Variants in LRP12 observed in about 807,000 individuals in gnomAD.
LRP12 encodes the protein low-density lipoprotein receptor-related protein 12.
LRP12 carries 14 observed loss-of-function variants against 66.0 expected under a neutral mutation model. The ratio of observed to expected loss-of-function variants is 0.21; its 90% CI spans 0.14 to 0.33. The LOEUF is 0.33. Ranked by LOEUF, LRP12 falls within the 10% of genes least tolerant of loss-of-function variation. The pLI, the probability that LRP12 is intolerant of heterozygous loss-of-function variation, is 1.00. For missense variants in LRP12, 889 were observed against 1,053.4 expected (o/e 0.84, Z 2.16); for synonymous variants, 357 against 359.1 (o/e 0.99, Z 0.07).
At chr8:104,512,634 G>A (rs1811015048) in intron 2 of LRP12, among the ~76,000 whole-genome samples, 1 of 152,048 alleles carries the variant, frequency 6.6e-6, no homozygotes, top group Non-Finnish European at 1.5e-5. Flanking sequence ...CCTAACCTTT[G>A]ACTAAATCGA....
At chr8:104,571,468 G>A (rs1258550090) in intron 1 of LRP12, among the ~76,000 whole-genome samples, 2 of 152,124 alleles carry the variant, frequency 1.3e-5, no homozygotes, top group African/African-American at 2.4e-5. Flanking sequence ...CCTCCATGAT[G>A]TTCTCGTAAT....
At chr8:104,547,554 ATATTATATATTAATAAT>A (rs1233676660) in intron 1 of LRP12, among the ~76,000 whole-genome samples, 1 of 127,550 alleles carries the variant, frequency 7.8e-6, no homozygotes, top group Non-Finnish European at 1.6e-5. Flanking sequence ...ATATAATTAC[ATATTATATATTAATAAT>A]TATTATATAT....
chr8:104,567,439 C>A (rs1257351385), intron 1 of LRP12, among the ~76,000 whole-genome samples: 1 of 152,074 alleles, frequency 6.6e-6, no homozygotes, highest in South Asian at 2.1e-4. Context: ...GATTTAATGA[C>A]CTCCCCCGGG....
intron 1 of LRP12, among the ~76,000 whole-genome samples, chr8:104,559,607 T>C (rs572121570): frequency 2.6e-4 from 39 of 151,946 alleles, no homozygotes; most frequent in South Asian, 1.5e-3. Flanking sequence ...CAAAAGCCTA[T>C]TGAAATAAAA....
intron 1 of LRP12, among the ~76,000 whole-genome samples, chr8:104,541,133 A>C (rs1457724022): frequency 6.6e-5 from 10 of 152,206 alleles, no homozygotes; most frequent in African/African-American, 2.4e-4. Flanking sequence ...ATGTCTTGGA[A>C]ATAAGGATAT....
chr8:104,562,662 A>T (rs1208522197), intron 1 of LRP12, among the ~76,000 whole-genome samples: 1 of 152,094 alleles, frequency 6.6e-6, no homozygotes, highest in Non-Finnish European at 1.5e-5. Flanking sequence ...ACTGCTTTTG[A>T]AGTTAATCTT....
At position 104,490,712 on chromosome 8, in the gene LRP12, T is replaced by C; in HGVS notation, c.2541A>G (p.Lys847=). 1 of 1,613,710 alleles carries C rather than the reference T, an allele frequency of 6.2e-7. No individual in the cohort carries two copies. Among genetic ancestry groups the C allele is most frequent in the Non-Finnish European group, 8.5e-7 (1 of 1,179,892 alleles). Reference sequence around the variant, plus strand: ...AAGCCTCATCATCACTCGTTTCGTTTTTCAGTGTTACTTCTAAGCAAGTGT... The same window carrying C: ...AAGCCTCATCATCACTCGTTTCGTTCTTCAGTGTTACTTCTAAGCAAGTGT... ...IPDTCLEVTL[K]NETSDDEALL... Residue 847 remains lysine (K), a synonymous_variant, in exon 7 of 7, where the codon AAA becomes AAG. Transcript: ENST00000276654.
rs1564141261 is a variant in LRP12 at position 104,547,356 on chromosome 8, T to TC, written c.80-15394_80-15393insG. Among the ~76,000 whole-genome samples, 41 of 115,138 alleles carry TC rather than the reference T, an allele frequency of 3.6e-4. 2 individuals carry two copies. The highest frequency in any genetic ancestry group is 7.9e-4 in the South Asian group (3 of 3,804). 75.5% of individuals were successfully genotyped at this position (115,138 alleles called of 152,430 possible). On this transcript the variant is annotated intron_variant, in intron 1 of 6. Transcript: ENST00000276654. Reference sequence around the variant, plus strand: ...ATATAATATACAATTCTGTTATATTTTGTATATAATATACAATTCTGTTAT... The same window carrying TC: ...ATATAATATACAATTCTGTTATATTTCTGTATATAATATACAATTCTGTTAT...
intron 1 of LRP12, among the ~76,000 whole-genome samples, chr8:104,588,213 T>C (rs1812365256): frequency 1.3e-5 from 2 of 152,190 alleles, no homozygotes; most frequent in Admixed American, 6.5e-5. Flanking sequence ...GAAACTATTT[T>C]CTGGCCTTCT....
chr8:104,557,281 C>T (rs1397794840), intron 1 of LRP12, among the ~76,000 whole-genome samples: 1 of 152,096 alleles, frequency 6.6e-6, no homozygotes, highest in Admixed American at 6.5e-5. Context: ...GAAGTCTTAG[C>T]CAGAGCAATC....
chr8:104,529,510 G>T (rs1811294194), intron 2 of LRP12, among the ~76,000 whole-genome samples: 6 of 152,060 alleles, frequency 3.9e-5, no homozygotes, highest in Admixed American at 3.9e-4. Flanking sequence ...TTATTTAAGG[G>T]TATTATCAAT....
At chr8:104,547,836 TAA>T (rs1298133423) in intron 1 of LRP12, among the ~76,000 whole-genome samples, 1 of 122,594 alleles carries the variant, frequency 8.2e-6, no homozygotes, top group Non-Finnish European at 1.6e-5. Flanking sequence ...ATATAATATA[TAA>T]TTCTATGTTA....
At chr8:104,553,075 A>C (rs1358594910) in intron 1 of LRP12, among the ~76,000 whole-genome samples, 1 of 152,100 alleles carries the variant, frequency 6.6e-6, no homozygotes, top group East Asian at 1.9e-4. Context: ...CCCTGTGGGC[A>C]CTCTAGGTCC....
intron 2 of LRP12, among the ~76,000 whole-genome samples, chr8:104,519,687 C>A (rs1264994208): frequency 6.6e-6 from 1 of 151,764 alleles, no homozygotes; most frequent in African/African-American, 2.4e-5. Flanking sequence ...ATCAGGCAAG[C>A]AGAAAAAATG....
At chr8:104,536,880 C>A (rs561140161) in intron 1 of LRP12, among the ~76,000 whole-genome samples, 1 of 151,884 alleles carries the variant, frequency 6.6e-6, no homozygotes, top group African/African-American at 2.4e-5. Flanking sequence ...AATAAGCATA[C>A]AGAAATCCAA....
intron 2 of LRP12, among the ~76,000 whole-genome samples, chr8:104,523,887 T>C (rs185509835): frequency 6.6e-6 from 1 of 152,204 alleles, no homozygotes; most frequent in Non-Finnish European, 1.5e-5. Flanking sequence ...AGTAGCATAC[T>C]GTAAATGAAT....
intron 1 of LRP12, among the ~76,000 whole-genome samples, chr8:104,560,035 T>C (rs148336991): frequency 2.8e-4 from 43 of 152,248 alleles, no homozygotes; most frequent in African/African-American, 1.0e-3. Context: ...GACTAAGACA[T>C]ACAACTAATA....
chr8:104,574,255 C>T (rs6984152), intron 1 of LRP12, among the ~76,000 whole-genome samples: 20,177 of 152,034 alleles, frequency 0.13, 1,893 homozygotes, highest in African/African-American at 0.27. Context: ...TCATTTTAAA[C>T]GAATTAATGT....
At chr8:104,528,498 G>A (rs1232168074) in intron 2 of LRP12, among the ~76,000 whole-genome samples, 1 of 152,168 alleles carries the variant, frequency 6.6e-6, no homozygotes, top group Non-Finnish European at 1.5e-5. Context: ...AATGAGGCCG[G>A]GCACGGTGGC....
Sources: allele counts gnomAD v4.1 joint callset (sites outside exome capture counted in the v4.1 genomes callset), GRCh38; gene constraint gnomAD v4.1.1; transcripts MANE v1.5; gene names NCBI Gene and HGNC (gene_info 2026-07-23, HGNC 2026-07-21).